The following TENM3 variants were observed in gnomAD, a reference collection of about 807,000 sequenced individuals.
TENM3 encodes teneurin transmembrane protein 3.
Under a neutral mutation model 255.1 loss-of-function variants are expected in TENM3, and 63 were observed. The ratio of observed to expected loss-of-function variants is 0.25; its 90% confidence interval spans 0.20 to 0.30. The LOEUF is 0.30. Among genes scored for constraint, TENM3 ranks in the 10% least tolerant of loss-of-function variants. The pLI, the probability that TENM3 is intolerant of heterozygous loss-of-function variation, is 1.00. For synonymous variants in TENM3, 1,306 were observed against 1,322.3 expected (o/e 0.99, Z 0.27); for missense variants, 2,929 against 3,461.1 (o/e 0.85, Z 3.86).
chr4:181,781,214 G>T, the TENM3 span, among the ~76,000 whole-genome samples: 395 of 152,302 alleles, frequency 2.6e-3, 4 homozygotes, highest in African/African-American at 8.7e-3. Flanking sequence ...ACCTTGGGCA[G>T]TATGGCCATT....
chr4:181,815,318 T>C, the TENM3 span, among the ~76,000 whole-genome samples: 1 of 151,368 alleles, frequency 6.6e-6, no homozygotes, highest in Non-Finnish European at 1.5e-5. Context: ...AAAATCTATC[T>C]GGGCATGATG....
intron 1 of TENM3, among the ~76,000 whole-genome samples, chr4:182,311,307 T>C (rs1367291813): frequency 6.6e-6 from 1 of 152,246 alleles, no homozygotes; most frequent in African/African-American, 2.4e-5. Context: ...AAAGCTGTGA[T>C]CTCTGCAAAT....
the TENM3 span, among the ~76,000 whole-genome samples, chr4:181,457,003 G>A: frequency 1.3e-5 from 2 of 151,612 alleles, no homozygotes; most frequent in Non-Finnish European, 3.0e-5. Context: ...CACATCTAAG[G>A]GACAGCATCA....
the TENM3 span, among the ~76,000 whole-genome samples, chr4:181,856,518 T>C: frequency 6.6e-6 from 1 of 152,358 alleles, no homozygotes; most frequent in African/African-American, 2.4e-5. Flanking sequence ...TTCTGTAGTG[T>C]ACCCTACATA....
the TENM3 span, among the ~76,000 whole-genome samples, chr4:181,787,795 T>A: frequency 6.6e-6 from 1 of 152,114 alleles, no homozygotes; most frequent in Non-Finnish European, 1.5e-5. Flanking sequence ...AACGTATACC[T>A]TCCATGTGTT....
chr4:182,057,408 C>CTTTTT, the TENM3 span, among the ~76,000 whole-genome samples: 18 of 132,518 alleles, frequency 1.4e-4, no homozygotes, highest in Non-Finnish European at 2.0e-4. Flanking sequence ...CTTTTCTTTT[C>CTTTTT]TTTTTTTTTT....
At chr4:181,910,590 G>GTATATA in the TENM3 span, among the ~76,000 whole-genome samples, 14 of 142,832 alleles carry the variant, frequency 9.8e-5, no homozygotes, top group Admixed American at 2.8e-4. Context: ...ATATGTATTT[G>GTATATA]TATATATATA....
chr4:181,628,922 G>A, the TENM3 span, among the ~76,000 whole-genome samples: 1 of 152,018 alleles, frequency 6.6e-6, no homozygotes, highest in Non-Finnish European at 1.5e-5. Flanking sequence ...AAATTACCTT[G>A]GGCAGTATGG....
At chr4:182,079,157 G>A in the TENM3 span, among the ~76,000 whole-genome samples, 1 of 152,176 alleles carries the variant, frequency 6.6e-6, no homozygotes, top group African/African-American at 2.4e-5. Context: ...GGAAGCAGAG[G>A]TTTTCATGGT....
the TENM3 span, among the ~76,000 whole-genome samples, chr4:181,605,478 CAGAG>C: frequency 1.4e-5 from 1 of 72,842 alleles, no homozygotes; most frequent in Non-Finnish European, 2.7e-5. Flanking sequence ...GAGAGAGAAA[CAGAG>C]AAAGAAAGAA....
chr4:181,948,601 A>G, the TENM3 span, among the ~76,000 whole-genome samples: 1 of 151,984 alleles, frequency 6.6e-6, no homozygotes, highest in Non-Finnish European at 1.5e-5. Context: ...TTTTTTTAGT[A>G]GCGACAGGGT....
At chr4:181,748,010 C>T in the TENM3 span, among the ~76,000 whole-genome samples, 1 of 151,988 alleles carries the variant, frequency 6.6e-6, no homozygotes, top group South Asian at 2.1e-4. Flanking sequence ...TCTAGCTATG[C>T]TAATTATTGT....
intron 3 of TENM3, among the ~76,000 whole-genome samples, chr4:182,391,670 A>G (rs1365180164): frequency 6.6e-6 from 1 of 152,214 alleles, no homozygotes; most frequent in Non-Finnish European, 1.5e-5. Context: ...GGTCAATTCC[A>G]ATGCACTGTA....
chr4:182,749,212 A>G (rs1166821727), intron 19 of TENM3, among the ~76,000 whole-genome samples: 3 of 152,182 alleles, frequency 2.0e-5, no homozygotes, highest in African/African-American at 7.2e-5. Flanking sequence ...ATCATTGTTC[A>G]TCATTACTCT....
intron 3 of TENM3, among the ~76,000 whole-genome samples, chr4:182,557,726 C>G (rs1742711427): frequency 6.6e-6 from 1 of 152,146 alleles, no homozygotes; most frequent in Non-Finnish European, 1.5e-5. Flanking sequence ...CATCTGTGCT[C>G]TCTCCCCCAG....
At chr4:182,344,387 T>C (rs1445021642) in intron 2 of TENM3, among the ~76,000 whole-genome samples, 1 of 152,122 alleles carries the variant, frequency 6.6e-6, no homozygotes, top group Admixed American at 6.5e-5. Context: ...AGACATTGAC[T>C]TCAGAGGGAA....
At position 182,446,892 on chromosome 4, in the gene TENM3, C is replaced by T. The variant is rs1024438013; in HGVS notation, c.511+99963C>T. ...CAGTTACTTCAGGTGACCCCCCACC[C>T]CCCTCAGAAGACACATGCATTGCAT... On this transcript the variant is annotated intron_variant, in intron 3 of 27. Coordinates refer to ENST00000511685, the MANE Select transcript of TENM3 (RefSeq NM_001080477.4). Among the ~76,000 whole-genome samples, 5 of 152,130 alleles carry T rather than the reference C, an allele frequency of 3.3e-5. No homozygotes were observed. The South Asian group carries it at 1.0e-3, about 32-fold the overall frequency.
At chr4:182,064,185 TA>T in the TENM3 span, among the ~76,000 whole-genome samples, 632 of 141,114 alleles carry the variant, frequency 4.5e-3, no homozygotes, top group African/African-American at 6.8e-3. Flanking sequence ...TATTACCGAT[TA>T]AAAAAAAAAA....
chr4:182,417,811 A>G (rs1770502376), intron 3 of TENM3, among the ~76,000 whole-genome samples: 2 of 152,178 alleles, frequency 1.3e-5, no homozygotes, highest in Non-Finnish European at 2.9e-5. Flanking sequence ...AGAGCCCATC[A>G]TTTTGCTATT....
Sources: gnomAD v4.1 joint callset for allele counts (sites outside exome capture counted in the v4.1 genomes callset) on GRCh38, gnomAD v4.1.1 for gene constraint, MANE v1.5 for transcripts, NCBI Gene and HGNC (gene_info 2026-07-23, HGNC 2026-07-21) for gene names.